Variants in RBM5 observed in about 807,000 individuals in gnomAD.
The protein encoded by RBM5 is RNA-binding protein 5.
RBM5 carries 15 observed loss-of-function variants against 124.6 expected under a neutral mutation model. The ratio of observed to expected loss-of-function variants is 0.12; its 90% CI spans 0.08 to 0.19. The LOEUF (loss-of-function observed/expected upper bound fraction) is 0.19, where lower values mean the gene tolerates loss of function less well. Among genes scored for constraint, RBM5 ranks in the 10% least tolerant of loss-of-function variants. The pLI, the probability that RBM5 is intolerant of heterozygous loss-of-function variation, is 1.00. For synonymous variants in RBM5, 337 were observed against 361.2 expected (o/e 0.93, Z 0.76); for missense variants, 580 against 1,026.5 (o/e 0.57, Z 5.94).
chr3:50,114,327 G>A (rs1484069999), intron 20 of RBM5, 76 bp downstream of exon 20: 1 of 1,409,212 alleles, frequency 7.1e-7, no homozygotes, highest in South Asian at 1.3e-5. Flanking sequence ...CTGCATCTTG[G>A]CTAATGTGAT....
Position 50,100,711 on chromosome 3 carries a change from TA to T in RBM5, c.483+115del, listed in dbSNP as rs199566172. The T allele has an allele frequency of 4.9e-4, 414 of 844,310 alleles. No individual in the cohort carries two copies. Among genetic ancestry groups the T allele is most frequent in the Middle Eastern group, 2.6e-3 (11 of 4,288 alleles). The allele number at this position is 844,310 out of a possible 1,614,324, so 52.3% of individuals were successfully genotyped here. A position where few individuals can be genotyped will look rare whatever the true frequency, so the allele number is the denominator to read the frequency against. On this transcript the variant is annotated intron_variant, in intron 6 of 24. Coordinates refer to ENST00000347869, the MANE Select transcript of RBM5 (RefSeq NM_005778.4). This position sits in a 1 kb window ranked among gnomAD's most constrained non-coding sequence, Gnocchi z 5.1. The stretch of plus-strand genomic sequence containing the variant: ...TTGTTCCAAAGGAGTGACTTTTTTT[TA>T]AAAAAAAAGCTTTGTATATATTAAA...
In RBM5 at chr3:50,117,370, T is replaced by C; in HGVS notation, c.2313T>C (p.Ala771=). 6.2e-7 allele frequency: 1 copy of C among 1,613,994 alleles called. No homozygotes were observed. Among genetic ancestry groups the C allele is most frequent in the Non-Finnish European group, 8.5e-7 (1 of 1,180,032 alleles). Residue 771 remains alanine, a synonymous_variant, in exon 24 of 25, where the codon GCT becomes GCC. Transcript: ENST00000347869. The surrounding 1 kb of genome is among the most constrained non-coding windows in gnomAD (Gnocchi z 4.2). ...GACGAAAGTGTCAAGGCATTACGGC[T>C]CCCATTGAGGTAAGCAGTGGGGTCA... ...GLGRKCQGIT[A]PIEAQVRLKG...
chr3:50,090,368 C>T lies in RBM5; in HGVS notation c.-53-14C>T. ...CTCTGAGATTTATAGCAATTAATCT[C>T]TCTTGTCTCCTAGAAAAAATAAAAT... On this transcript the variant is annotated splice_polypyrimidine_tract_variant and intron_variant, in intron 1 of 24. Coordinates refer to ENST00000347869, the MANE Select transcript of RBM5 (RefSeq NM_005778.4). 1 of 1,575,714 alleles carries T rather than the reference C, an allele frequency of 6.3e-7. No homozygotes were observed. Among genetic ancestry groups the T allele is most frequent in the East Asian group, 2.2e-5 (1 of 44,656 alleles).
chr3:50,107,667 C>CTTTTTTTTT (rs2091060284), intron 12 of RBM5, 98 bp downstream of exon 12: 2 of 135,130 alleles, frequency 1.5e-5, no homozygotes, highest in Non-Finnish European at 2.7e-5. Context: ...GAGCTCTTTT[C>CTTTTTTTTT]TTTTCTTTTT....
intron 3 of RBM5, chr3:50,092,649 T>C: frequency 2.4e-6 from 1 of 410,976 alleles, no homozygotes; most frequent in East Asian, 7.4e-5. Flanking sequence ...CATGAATTCA[T>C]TTAGGTCTCA....
chr3:50,103,107 C>T lies in RBM5; in HGVS notation c.508C>T (p.His170Tyr). 1 of 1,611,634 alleles carries T rather than the reference C, an allele frequency of 6.2e-7. No individual in the cohort carries two copies. Among genetic ancestry groups the T allele is most frequent in the Non-Finnish European group, 8.5e-7 (1 of 1,177,800 alleles). Reference sequence around the variant, plus strand: ...GAAAAAGTTGGTGATTCAAGGAAAGCACATTGCAATGCATTATAGCAATCC... The same window carrying T: ...GAAAAAGTTGGTGATTCAAGGAAAGTACATTGCAATGCATTATAGCAATCC... The part of the protein sequence containing the change: ...NQKKLVIQGK[H>Y]IAMHYSNPRP... The change falls in exon 7 of 25, where the codon CAC becomes TAC. Residue 170 changes from histidine to tyrosine, a missense_variant. Physicochemically the swap from His to Tyr is moderately conservative, Grantham distance 83. Coordinates refer to ENST00000347869, the MANE Select transcript of RBM5 (RefSeq NM_005778.4).
At position 50,110,910 on chromosome 3, in the gene RBM5, A is replaced by G. The variant is rs563615491; in HGVS notation, c.1455+140A>G. On this transcript the variant is annotated intron_variant, in intron 17 of 24. Coordinates refer to ENST00000347869, the MANE Select transcript of RBM5 (RefSeq NM_005778.4). ...ACTTCTTCAAAGCCACCAAAATGTA[A>G]TTTTTATATGGAGATTGTAAGTTTT... 7.7e-6 allele frequency: 5 copies of G among 653,358 alleles called. No homozygotes were observed. The South Asian group carries it at 1.2e-4, about 16-fold the overall frequency. The allele number at this position is 653,358 out of a possible 1,614,324, so 40.5% of individuals were successfully genotyped here. A position where few individuals can be genotyped will look rare whatever the true frequency, so the allele number is the denominator to read the frequency against.
chr3:50,115,915 G>A lies in RBM5; in HGVS notation c.2029G>A (p.Asp677Asn). The A allele has an allele frequency of 1.2e-6, 2 of 1,613,088 alleles. No individual in the cohort carries two copies. The highest frequency in any genetic ancestry group is 1.7e-6 in the Non-Finnish European group (2 of 1,179,084). Residue 677 changes from aspartate to asparagine, a missense_variant, in exon 22 of 25, where the codon GAC becomes AAC. This residue lies in a region of RBM5 where 234 missense variants were observed against 435.1 expected (regional missense o/e 0.54). Coordinates refer to ENST00000347869, the MANE Select transcript of RBM5 (RefSeq NM_005778.4). ...CAAATCTTTTGTGTAGCAAAACATG[G>A]ACATCTATCGACGATCCAGGCTGAG... The part of the protein sequence containing the change: ...QLSDLHKQNM[D>N]IYRRSRLSEQ...
In RBM5 at chr3:50,093,829, A is replaced by G; in HGVS notation, c.293A>G (p.Lys98Arg). 6.2e-7 allele frequency: 1 copy of G among 1,613,846 alleles called. No homozygotes were observed. Among genetic ancestry groups the G allele is most frequent in the Non-Finnish European group, 8.5e-7 (1 of 1,179,750 alleles). Reference protein sequence around the residue: ...RHDISDERESKTIMLRGLPIT... With the variant: ...RHDISDERESRTIMLRGLPIT... ...GACATCAGTGACGAGAGGGAGAGCA[A>G]GACCATCATGCTGCGCGGCCTTCCC... is the stretch of plus-strand genomic sequence containing the variant. The change falls in exon 4 of 25, where the codon AAG (lysine) becomes AGG (arginine). Residue 98 changes from lysine (K) to arginine (R), a missense_variant. This residue lies in a region of RBM5 where 101 missense variants were observed against 223.2 expected (regional missense o/e 0.45). Transcript: ENST00000347869.
Position 50,115,572 on chromosome 3 carries a change from C to T in RBM5, c.1984C>T (p.Leu662=). 1 of 1,613,140 alleles carries T rather than the reference C, an allele frequency of 6.2e-7. No homozygotes were observed. Among genetic ancestry groups the T allele is most frequent in the Non-Finnish European group, 8.5e-7 (1 of 1,179,744 alleles). ...CRRQFPNKDA[L]VRHQQLSDLH... is the part of the protein sequence containing the mutation. ...GCGCCAGTTCCCGAACAAAGATGCCCTAGTCAGGCACCAGCAACTCTCAGA... is the reference window on the plus strand; with the variant it reads ...GCGCCAGTTCCCGAACAAAGATGCCTTAGTCAGGCACCAGCAACTCTCAGA... The change falls in exon 21 of 25, where the codon CTA becomes TTA. Residue 662 remains leucine, a synonymous_variant. Transcript: ENST00000347869.
chr3:50,098,442 TTTATTTTA>T (rs1381581116), intron 4 of RBM5, among the ~76,000 whole-genome samples: 1 of 151,760 alleles, frequency 6.6e-6, no homozygotes, highest in Non-Finnish European at 1.5e-5. Context: ...TAATTTTTAT[TTTATTTTA>T]TTATTTTTTT....
At position 50,104,234 on chromosome 3, in the gene RBM5, A is replaced by C. The variant is rs760506718; in HGVS notation, c.568-14A>C. On this transcript the variant is annotated splice_polypyrimidine_tract_variant and intron_variant, in intron 7 of 24. Transcript: ENST00000347869. Reference sequence around the variant, plus strand: ...AATGTGAGAAATAATTACAGATAAAACTTTTTTTTTCAGTGCTGCCTTAAC... The same window carrying C: ...AATGTGAGAAATAATTACAGATAAACCTTTTTTTTTCAGTGCTGCCTTAAC... The C allele has an allele frequency of 3.1e-6, 5 of 1,610,068 alleles. No homozygotes were observed. Among genetic ancestry groups the C allele is most frequent in the Non-Finnish European group, 3.4e-6 (4 of 1,176,598 alleles).
intron 14 of RBM5, 50 bp from the exon 15 acceptor site, chr3:50,109,553 G>A (rs1156837262): frequency 1.4e-5 from 20 of 1,449,514 alleles, no homozygotes; most frequent in Non-Finnish European, 1.9e-5. Context: ...AAGATGTTTG[G>A]GTTGGCGTTC....
Position 50,093,978 on chromosome 3 carries a change from G to A in RBM5, c.339+103G>A, listed in dbSNP as rs146209360. Reference sequence around the variant, plus strand: ...TATTGTTTTATCTTAAGCCAATAGAGGTTGAGTATCCCTTATCCAAAATGC... The same window carrying A: ...TATTGTTTTATCTTAAGCCAATAGAAGTTGAGTATCCCTTATCCAAAATGC... On this transcript the variant is annotated intron_variant, in intron 4 of 24. Transcript: ENST00000347869. 527 of 1,315,720 alleles carry A rather than the reference G, an allele frequency of 4.0e-4. 2 individuals are homozygous for A. The East Asian group carries it at 0.012, about 29-fold the overall frequency. 81.5% of individuals were successfully genotyped at this position (1,315,720 alleles called of 1,614,324 possible).
Position 50,100,612 on chromosome 3 carries a change from T to C in RBM5, c.483+7T>C. ...CTGGATGGAAGCCAATCAGGTTGCT[T>C]CACTCACCAAGTCTAGATATTCATG... On this transcript the variant is annotated splice_region_variant and intron_variant, in intron 6 of 24. Coordinates refer to ENST00000347869, the MANE Select transcript of RBM5 (RefSeq NM_005778.4). This position sits in a 1 kb window ranked among gnomAD's most constrained non-coding sequence, Gnocchi z 5.1. 4 of 1,595,762 alleles carry C rather than the reference T, an allele frequency of 2.5e-6. No individual in the cohort carries two copies. The highest frequency in any genetic ancestry group is 3.4e-6 in the Non-Finnish European group (4 of 1,163,378).
chr3:50,092,760 A>G (rs1025553581), intron 3 of RBM5: 2 of 452,282 alleles, frequency 4.4e-6, no homozygotes, highest in East Asian at 1.4e-4. Context: ...GATAAATATA[A>G]GTTGTTGGCC....
At position 50,108,146 on chromosome 3, in the gene RBM5, A is replaced by T; in HGVS notation, c.1118A>T (p.Gln373Leu). Residue 373 changes from glutamine (Q) to leucine (L), a missense_variant and splice_region_variant, in exon 13 of 25, where the codon CAG (glutamine) becomes CTG (leucine). Gln to Leu is a moderately radical substitution (Grantham distance 113). Coordinates refer to ENST00000347869, the MANE Select transcript of RBM5 (RefSeq NM_005778.4). ...PGQDGYAQYA[Q>L]YSQDYQQFYQ... is the part of the protein sequence containing the mutation. ...CAAGATGGCTATGCCCAATATGCTC[A>T]GGTAGGTAGATTTTAGCAGCATCCA... The T allele has an allele frequency of 6.2e-7, 1 of 1,608,754 alleles. No homozygotes were observed. Among genetic ancestry groups the T allele is most frequent in the Non-Finnish European group, 8.5e-7 (1 of 1,175,096 alleles).
In RBM5 at chr3:50,099,324, A is replaced by G. The variant is rs375587122; in HGVS notation, c.340-658A>G. ...CATGCAACATTTAATGAATGCCTTC[A>G]GTGCTGTTATAATGCATTAATTTCT... is the stretch of plus-strand genomic sequence containing the variant. On this transcript the variant is annotated intron_variant, in intron 4 of 24. Transcript: ENST00000347869. Among the ~76,000 whole-genome samples the G allele has an allele frequency of 1.2e-4, 18 of 152,104 alleles. No homozygotes were observed. The East Asian group carries it at 2.3e-3, about 20-fold the overall frequency.
chr3:50,105,807 C>T (rs1022020471), intron 10 of RBM5, 98 bp downstream of exon 10: 3 of 1,290,028 alleles, frequency 2.3e-6, no homozygotes, highest in African/African-American at 1.5e-5. Flanking sequence ...TCCTAAAGCC[C>T]AAGATGCAAG....
Sources: gnomAD v4.1 joint callset for allele counts (sites outside exome capture counted in the v4.1 genomes callset) on GRCh38, gnomAD v4.1.1 for gene constraint, gnomAD v4.1.1 regional missense constraint, Gnocchi (gnomAD v3.1) non-coding constraint, MANE v1.5 for transcripts, NCBI Gene and HGNC (gene_info 2026-07-23, HGNC 2026-07-21) for gene names.